The following TTLL11 variants were observed in gnomAD, a reference collection of about 807,000 sequenced individuals.
TTLL11 encodes the protein tubulin tyrosine ligase like 11, also known as tubulin polyglutamylase TTLL11.
In TTLL11, 42 loss-of-function variants were observed where a neutral mutation model predicts 51.7. The ratio of observed to expected loss-of-function variants is 0.81; its 90% CI spans 0.64 to 1.05. TTLL11 has a LOEUF of 1.05. TTLL11 is among the 50% of genes least tolerant of loss of function. The probability of loss-of-function intolerance (pLI) is 0.00; values close to 1 mark genes in which losing one functional copy is unlikely to be tolerated. For synonymous variants in TTLL11, 381 were observed against 383.5 expected (o/e 0.99, Z 0.08); for missense variants, 799 against 940.4 (o/e 0.85, Z 1.97).
At chr9:121,908,732 T>A (rs1404179085) in intron 6 of TTLL11, among the ~76,000 whole-genome samples, 1 of 152,310 alleles carries the variant, frequency 6.6e-6, no homozygotes, top group African/African-American at 2.4e-5. Context: ...GTTTCAGGCC[T>A]CTCTTCCTGG....
intron 6 of TTLL11, among the ~76,000 whole-genome samples, chr9:121,972,603 C>T (rs762758319): frequency 2.6e-5 from 4 of 152,248 alleles, no homozygotes; most frequent in East Asian, 1.9e-4. Flanking sequence ...GCCGGGCCGG[C>T]GCCATCCAGC....
In TTLL11 at chr9:122,031,770, G is replaced by C; in HGVS notation, c.646C>G (p.Pro216Ala). ...TCGTCAGGCAGAATCCATGAGCGAG[G>C]GTAGAAGTTGTACTCCTCAGGAAAG... Reference protein sequence around the residue: ...NLFPEEYNFYPRSWILPDEFQ... With the variant: ...NLFPEEYNFYARSWILPDEFQ... Residue 216 changes from proline to alanine, a missense_variant, in exon 3 of 9, where the codon CCT (proline) becomes GCT (alanine). Pro to Ala is a conservative substitution (Grantham distance 27). This residue lies in a region of TTLL11 where 468 missense variants were observed against 612.8 expected (regional missense o/e 0.76). Transcript: ENST00000321582. 1.2e-6 allele frequency: 2 copies of C among 1,613,516 alleles called. No homozygotes were observed. The highest frequency in any genetic ancestry group is 8.5e-7 in the Non-Finnish European group (1 of 1,180,006).
chr9:121,965,487 G>GC (rs1387456334), intron 6 of TTLL11, among the ~76,000 whole-genome samples: 1 of 152,132 alleles, frequency 6.6e-6, no homozygotes, highest in Non-Finnish European at 1.5e-5. Context: ...GGGGGAAACT[G>GC]CCCCCATGAT....
At chr9:121,915,000 A>G (rs1212845555) in intron 6 of TTLL11, among the ~76,000 whole-genome samples, 2 of 152,038 alleles carry the variant, frequency 1.3e-5, no homozygotes, top group Non-Finnish European at 2.9e-5. Context: ...AGTGCTAGGG[A>G]CCCAGGTCAG....
intron 6 of TTLL11, among the ~76,000 whole-genome samples, chr9:121,873,467 A>G (rs970414358): frequency 6.4e-5 from 9 of 140,146 alleles, no homozygotes; most frequent in Non-Finnish European, 1.2e-4. Context: ...GCGCCACCAC[A>G]CCCAGCTAAT....
intron 3 of TTLL11, among the ~76,000 whole-genome samples, chr9:122,009,547 C>T (rs1252516326): frequency 1.3e-5 from 2 of 151,464 alleles, no homozygotes; most frequent in East Asian, 1.9e-4. Context: ...TATGTATGTA[C>T]TCTATATACC....
chr9:121,937,292 A>C (rs563163854), intron 6 of TTLL11, among the ~76,000 whole-genome samples: 3 of 152,244 alleles, frequency 2.0e-5, no homozygotes, highest in Admixed American at 6.5e-5. Flanking sequence ...TATCACATAC[A>C]ATCAGATGTA....
chr9:122,093,125 G>C lies in TTLL11; in HGVS notation c.24C>G (p.Ser8Arg). 1 of 1,490,602 alleles carries C rather than the reference G, an allele frequency of 6.7e-7. No homozygotes were observed. The highest frequency in any genetic ancestry group is 8.9e-7 in the Non-Finnish European group (1 of 1,126,162). The allele number at this position is 1,490,602 out of a possible 1,614,324, so 92.3% of individuals were successfully genotyped here. A position where few individuals can be genotyped will look rare whatever the true frequency, so the allele number is the denominator to read the frequency against. The change falls in exon 1 of 9, where the codon AGC (serine) becomes AGG (arginine). Residue 8 changes from serine to arginine, a missense_variant. Ser to Arg is a moderately radical substitution (Grantham distance 110). Around this residue, in one of 3 missense-constraint regions of TTLL11, gnomAD observed 166 missense variants for 161.6 expected, o/e 1.03. Transcript: ENST00000321582. MRRGSSE[S>R]ELAARWEAEA... ...CCGCCTCCCACCGGGCCGCCAGCTCGCTCTCGGAGCTGCCCCGCCGCATGG... is the reference window on the plus strand; with the variant it reads ...CCGCCTCCCACCGGGCCGCCAGCTCCCTCTCGGAGCTGCCCCGCCGCATGG...
chr9:122,078,111 C>G (rs1049651384), intron 1 of TTLL11, among the ~76,000 whole-genome samples: 1 of 151,168 alleles, frequency 6.6e-6, no homozygotes, highest in African/African-American at 2.5e-5. Flanking sequence ...AATTTGTAGT[C>G]TTGAGTGCTT....
intron 8 of TTLL11, among the ~76,000 whole-genome samples, chr9:121,827,397 G>A (rs1024689136): frequency 2.6e-5 from 4 of 152,102 alleles, no homozygotes; most frequent in Admixed American, 6.5e-5. Flanking sequence ...GGGTGGGGAC[G>A]GGAAGTACCT....
chr9:121,900,215 G>A (rs1004577900), intron 6 of TTLL11, among the ~76,000 whole-genome samples: 5 of 152,164 alleles, frequency 3.3e-5, no homozygotes, highest in Non-Finnish European at 5.9e-5. Flanking sequence ...GTTCTCAAGC[G>A]TCTTTATTTT....
chr9:121,946,827 CTATTGGTTCCAA>C (rs1841687365), intron 6 of TTLL11, among the ~76,000 whole-genome samples: 1 of 152,140 alleles, frequency 6.6e-6, no homozygotes, highest in East Asian at 1.9e-4. Flanking sequence ...GAGAAGTTCC[CTATTGGTTCCAA>C]TATGCAGCTG....
intron 1 of TTLL11, among the ~76,000 whole-genome samples, chr9:122,070,299 G>A (rs1845695405): frequency 6.6e-6 from 1 of 152,160 alleles, no homozygotes; most frequent in Non-Finnish European, 1.5e-5. Flanking sequence ...CTCTGTGTGA[G>A]CAAAGGTTGG....
intron 6 of TTLL11, among the ~76,000 whole-genome samples, chr9:121,892,864 G>A (rs981738373): frequency 6.6e-6 from 1 of 152,192 alleles, no homozygotes; most frequent in African/African-American, 2.4e-5. Context: ...TGTGGGAGCA[G>A]TGTCAGGTCT....
intron 8 of TTLL11, among the ~76,000 whole-genome samples, chr9:121,851,503 A>T (rs111327209): frequency 4.6e-4 from 70 of 152,336 alleles, no homozygotes; most frequent in Middle Eastern, 6.8e-3. Context: ...TTAATTTTTT[A>T]AAAAAGGCTT....
At chr9:121,946,103 C>G (rs116239427) in intron 6 of TTLL11, among the ~76,000 whole-genome samples, 1 of 152,180 alleles carries the variant, frequency 6.6e-6, no homozygotes, top group Admixed American at 6.5e-5. Context: ...GGGTTCATAA[C>G]GGGCACTAAA....
rs1225447965 is a variant in TTLL11 at position 121,816,323 on chromosome 9, C to G, written c.*6264G>C. 6.6e-6 allele frequency: 1 copy of G among 152,150 alleles called. No individual in the cohort carries two copies. The highest frequency in any genetic ancestry group is 1.5e-5 in the Non-Finnish European group (1 of 68,038). 9.4% of individuals were successfully genotyped at this position (152,150 alleles called of 1,614,324 possible). On this transcript the variant is annotated 3_prime_UTR_variant, in exon 9 of 9. Transcript: ENST00000321582. ...TGGGGGAGCAGTCAGTGTTCTGTGG[C>G]CCAAGACTGGGTCCTGGTTGGAATC...
At chr9:121,913,931 A>G (rs1272281670) in intron 6 of TTLL11, among the ~76,000 whole-genome samples, 2 of 152,204 alleles carry the variant, frequency 1.3e-5, no homozygotes, top group African/African-American at 4.8e-5. Flanking sequence ...TGTGACATCT[A>G]CAGGCCAGGG....
chr9:121,940,066 G>A (rs367658948), intron 6 of TTLL11, among the ~76,000 whole-genome samples: 6 of 152,090 alleles, frequency 3.9e-5, no homozygotes, highest in Non-Finnish European at 7.4e-5. Flanking sequence ...GCCTTCCTTC[G>A]TTACTGGAAC....
Sources: gnomAD v4.1 joint callset for allele counts (sites outside exome capture counted in the v4.1 genomes callset) on GRCh38, gnomAD v4.1.1 for gene constraint, gnomAD v4.1.1 regional missense constraint, MANE v1.5 for transcripts, NCBI Gene and HGNC (gene_info 2026-07-23, HGNC 2026-07-21) for gene names.